The following PRKN variants were observed in gnomAD, a reference collection of about 807,000 sequenced individuals.
PRKN encodes parkin RBR E3 ubiquitin protein ligase, also known as E3 ubiquitin-protein ligase parkin.
Under a neutral mutation model 59.5 loss-of-function variants are expected in PRKN, and 56 were observed. That is an observed-to-expected ratio of 0.94 (90% confidence interval 0.76 to 1.18). The LOEUF is 1.18. PRKN is among the 50% of genes most tolerant of loss of function. The pLI, the probability that PRKN is intolerant of heterozygous loss-of-function variation, is 0.00. For missense variants in PRKN, 657 were observed against 596.4 expected (o/e 1.10, Z -1.06); for synonymous variants, 250 against 222.1 (o/e 1.13, Z -1.12).
chr6:161,895,927 A>C (rs1257260528), intron 6 of PRKN, among the ~76,000 whole-genome samples: 2 of 152,138 alleles, frequency 1.3e-5, no homozygotes, highest in Non-Finnish European at 2.9e-5. Context: ...AGACGAAGGG[A>C]GCTGGAAAGG....
intron 6 of PRKN, among the ~76,000 whole-genome samples, chr6:161,892,579 T>A (rs1222119689): frequency 1.3e-5 from 2 of 151,666 alleles, no homozygotes; most frequent in African/African-American, 4.8e-5. Flanking sequence ...CTTCAGAAAC[T>A]ACAGCAAGTT....
rs1462866645 is a variant in PRKN, at chr6:161,639,847, C to T, written c.872-70431G>A. On this transcript the variant is annotated intron_variant, in intron 7 of 11. Transcript: ENST00000366898. ...TAACACAAAGCAGTTGATATTTTTG[C>T]ACAAGGCGCAATGCCTACCACCCCA... 3.9e-5 allele frequency among the ~76,000 whole-genome samples: 6 copies of T among 152,186 alleles called. No individual in the cohort carries two copies. In the East Asian group the frequency reaches 1.2e-3, roughly 29 times the overall value.
chr6:162,710,096 C>CT (rs1778474816), intron 1 of PRKN, among the ~76,000 whole-genome samples: 1 of 152,102 alleles, frequency 6.6e-6, no homozygotes, highest in Non-Finnish European at 1.5e-5. Context: ...GTCCTCAAAG[C>CT]TGACACAGTG....
intron 6 of PRKN, among the ~76,000 whole-genome samples, chr6:161,926,293 G>A (rs932383967): frequency 2.0e-5 from 3 of 152,082 alleles, no homozygotes; most frequent in African/African-American, 7.2e-5. Context: ...AGACCTGGGC[G>A]AATTTCCCTA....
At chr6:162,627,724 C>T (rs1782951485) in intron 1 of PRKN, among the ~76,000 whole-genome samples, 1 of 152,082 alleles carries the variant, frequency 6.6e-6, no homozygotes, top group Admixed American at 6.6e-5. Context: ...TCTGCAATAA[C>T]TTTTAAGAAT....
At chr6:162,638,489 T>C (rs1333120616) in intron 1 of PRKN, among the ~76,000 whole-genome samples, 1 of 152,166 alleles carries the variant, frequency 6.6e-6, no homozygotes, top group African/African-American at 2.4e-5. Context: ...TAACATTTTA[T>C]ACCCTTCCGC....
chr6:162,444,668 G>T (rs763454256), intron 1 of PRKN, among the ~76,000 whole-genome samples: 3 of 152,078 alleles, frequency 2.0e-5, no homozygotes, highest in Non-Finnish European at 2.9e-5. Flanking sequence ...CTTATTCAGG[G>T]CACCAGTGGC....
intron 1 of PRKN, among the ~76,000 whole-genome samples, chr6:162,466,066 T>C (rs1458254466): frequency 2.0e-5 from 3 of 152,220 alleles, no homozygotes; most frequent in African/African-American, 7.2e-5. Context: ...TGCAGATATA[T>C]ATTTTTATGT....
chr6:162,522,554 G>C (rs1031628289), intron 1 of PRKN, among the ~76,000 whole-genome samples: 3 of 152,184 alleles, frequency 2.0e-5, no homozygotes, highest in African/African-American at 7.2e-5. Flanking sequence ...CTAATAAAGT[G>C]AGCAAGTTTT....
intron 5 of PRKN, among the ~76,000 whole-genome samples, chr6:161,997,496 C>T (rs1050419575): frequency 9.9e-5 from 15 of 151,978 alleles, no homozygotes; most frequent in African/African-American, 3.4e-4. Context: ...AATTTCTTTT[C>T]CCCAGTCACC....
rs557142572 is a variant in PRKN at position 161,349,978 on chromosome 6, T to G, written c.*121A>C. On this transcript the variant is annotated 3_prime_UTR_variant, in exon 12 of 12. Coordinates refer to ENST00000366898, the MANE Select transcript of PRKN (RefSeq NM_004562.3). This position sits in a 1 kb window ranked among gnomAD's most constrained non-coding sequence, Gnocchi z 5.5. ...CTGTAGTTGGACTTTGAAAAAAACT[T>G]GAAGAGTGTGTGTGCGCGCGCGCGC... The G allele has an allele frequency of 1.7e-4, 128 of 734,874 alleles. 1 individual carries two copies. Among genetic ancestry groups the G allele is most frequent in the Middle Eastern group, 3.4e-4 (1 of 2,908 alleles). 45.5% of individuals were successfully genotyped at this position (734,874 alleles called of 1,614,324 possible). A position where few individuals can be genotyped will look rare whatever the true frequency, so the allele number is the denominator to read the frequency against.
intron 1 of PRKN, among the ~76,000 whole-genome samples, chr6:162,456,784 A>C (rs1035814239): frequency 6.6e-6 from 1 of 152,136 alleles, no homozygotes; most frequent in African/African-American, 2.4e-5. Context: ...ATTACATTTT[A>C]TTGATTCATT....
At chr6:162,679,861 AG>A (rs570325131) in intron 1 of PRKN, among the ~76,000 whole-genome samples, 200 of 152,288 alleles carry the variant, frequency 1.3e-3, no homozygotes, top group African/African-American at 4.4e-3. Flanking sequence ...GAAGATTATG[AG>A]GAAGAACAGG....
In PRKN at chr6:161,397,561, G is replaced by T. The variant is rs1754245718; in HGVS notation, c.1084-10684C>A. ...CCCTTCCCAACTCCTCTTTTAAGAT[G>T]CACTTTGCCTATTGCATATTTCCAT... On this transcript the variant is annotated intron_variant, in intron 9 of 11. Transcript: ENST00000366898. The surrounding 1 kb of genome is among the most constrained non-coding windows in gnomAD (Gnocchi z 4.2). Among the ~76,000 whole-genome samples, 1 of 152,104 alleles carries T rather than the reference G, an allele frequency of 6.6e-6. No homozygotes were observed. Among genetic ancestry groups the T allele is most frequent in the South Asian group, 2.1e-4 (1 of 4,826 alleles).
In PRKN at chr6:161,832,623, C is replaced by CA. The variant is rs529969845; in HGVS notation, c.735-46716dup. Among the ~76,000 whole-genome samples, 258 of 74,980 alleles carry CA rather than the reference C, an allele frequency of 3.4e-3. 1 individual carries two copies. Among genetic ancestry groups the CA allele is most frequent in the Admixed American group, 5.5e-3 (34 of 6,164 alleles). The allele number at this position is 74,980 out of a possible 152,430, so 49.2% of individuals were successfully genotyped here. A position where few individuals can be genotyped will look rare whatever the true frequency, so the allele number is the denominator to read the frequency against. On this transcript the variant is annotated intron_variant, in intron 6 of 11. Transcript: ENST00000366898. ...TGGGCAACAGAGTGAGATTCCATCT[C>CA]AAAAAAAAAAAAAAAAAAAAAGATC...
chr6:161,500,876 C>CTTTTTTTTTTT (rs34247928), intron 9 of PRKN, among the ~76,000 whole-genome samples: 1 of 115,398 alleles, frequency 8.7e-6, no homozygotes, highest in Non-Finnish European at 1.7e-5. Flanking sequence ...TTTTTTTTTT[C>CTTTTTTTTTTT]TTTTTTTTTT....
At chr6:162,348,812 AAG>A (rs1784508636) in intron 2 of PRKN, among the ~76,000 whole-genome samples, 1 of 151,360 alleles carries the variant, frequency 6.6e-6, no homozygotes, top group East Asian at 1.9e-4. Context: ...GAGAGAGAGA[AAG>A]AGAGACAGAA....
intron 1 of PRKN, among the ~76,000 whole-genome samples, chr6:162,637,909 T>A (rs1777793576): frequency 1.3e-5 from 2 of 152,102 alleles, no homozygotes; most frequent in Non-Finnish European, 2.9e-5. Context: ...TTTTTCTGCA[T>A]AAAACTATGG....
At chr6:162,475,215 T>G (rs1791944507) in intron 1 of PRKN, among the ~76,000 whole-genome samples, 2 of 152,170 alleles carry the variant, frequency 1.3e-5, no homozygotes, top group African/African-American at 4.8e-5. Flanking sequence ...AAACAGCCTA[T>G]GAAAAGGCAC....
Sources: gnomAD v4.1 joint callset for allele counts (sites outside exome capture counted in the v4.1 genomes callset) on GRCh38, gnomAD v4.1.1 for gene constraint, Gnocchi (gnomAD v3.1) non-coding constraint, MANE v1.5 for transcripts, NCBI Gene and HGNC (gene_info 2026-07-23, HGNC 2026-07-21) for gene names.